SHOC1: variants seen among roughly 807,000 people sequenced by gnomAD.
SHOC1 encodes the protein protein shortage in chiasmata 1 ortholog.
In SHOC1, 136 loss-of-function variants were observed where a neutral mutation model predicts 179.2. The observed-to-expected ratio is 0.76, with a 90% CI of 0.66 to 0.87. The LOEUF (loss-of-function observed/expected upper bound fraction) is 0.87, where lower values mean the gene tolerates loss of function less well. SHOC1 is among the 40% of genes least tolerant of loss of function. The probability of loss-of-function intolerance (pLI) is 0.00; values close to 1 mark genes in which losing one functional copy is unlikely to be tolerated. For missense variants in SHOC1, 1,538 were observed against 1,700.8 expected, an observed-to-expected ratio of 0.90 and a Z score of 1.68; for synonymous variants, 489 against 586.6, an observed-to-expected ratio of 0.83 and a Z score of 2.41.
intron 12 of SHOC1, among the ~76,000 whole-genome samples, chr9:111,731,898 C>A (rs1231692484): frequency 6.6e-6 from 1 of 151,900 alleles, no homozygotes; most frequent in East Asian, 1.9e-4. Flanking sequence ...AAAAGAATTG[C>A]TTGATACAAG....
intron 21 of SHOC1, 75 bp downstream of exon 21, chr9:111,705,166 TATATAC>T (rs1228382532): frequency 5.0e-5 from 20 of 397,378 alleles, no homozygotes; most frequent in Non-Finnish European, 7.9e-5. Flanking sequence ...TATCAGAATA[TATATAC>T]ACACACACAC....
rs1476842136 is a variant in SHOC1, at chr9:111,727,682, A to C, written c.1785T>G (p.Tyr595Ter). The change falls in exon 13 of 28, where the codon TAT becomes TAG. Residue 595 changes from tyrosine to a stop codon, truncating the protein, a stop_gained. Transcript: ENST00000682961. LOFTEE classifies it high-confidence loss of function. ...LSDFIMLRNK[Y>*]KTCTSKTEVT... is the part of the protein sequence containing the mutation. ...CTTCAGTCTTTGAGGTGCAAGTCTT[A>C]TATTTATTTCGCAGCATAATAAAGT... 47 of 1,605,274 alleles carry C rather than the reference A, an allele frequency of 2.9e-5. No individual in the cohort carries two copies. Among genetic ancestry groups the C allele is most frequent in the Non-Finnish European group, 3.6e-5 (42 of 1,177,560 alleles).
intron 16 of SHOC1, 34 bp from the exon 17 acceptor site, chr9:111,714,657 G>A: frequency 6.4e-7 from 1 of 1,561,164 alleles, no homozygotes; most frequent in East Asian, 2.3e-5. Flanking sequence ...AATTGTCTAA[G>A]TATTTGTTTT....
intron 17 of SHOC1, 101 bp from the exon 18 acceptor site, chr9:111,713,273 T>G: frequency 3.4e-6 from 2 of 590,410 alleles, no homozygotes; most frequent in Non-Finnish European, 5.9e-6. Flanking sequence ...TCTATGAAAC[T>G]AATGACAATA....
At chr9:111,762,762 A>G (rs1461864423) in intron 5 of SHOC1, among the ~76,000 whole-genome samples, 3 of 152,194 alleles carry the variant, frequency 2.0e-5, no homozygotes, top group Admixed American at 2.0e-4. Flanking sequence ...TGAAAATGAC[A>G]TACACATGAA....
At chr9:111,720,314 C>CA (rs1564123601) in intron 15 of SHOC1, among the ~76,000 whole-genome samples, 1 of 152,144 alleles carries the variant, frequency 6.6e-6, no homozygotes, top group Non-Finnish European at 1.5e-5. Context: ...TTATTTATGT[C>CA]AAAAAATCTC....
At chr9:111,699,203 T>C (rs1030435469) in intron 24 of SHOC1, among the ~76,000 whole-genome samples, 30 of 152,216 alleles carry the variant, frequency 2.0e-4, no homozygotes, top group Admixed American at 1.1e-3. Flanking sequence ...CTAGAAGAAG[T>C]AGAAGGAGAG....
chr9:111,768,521 T>C (rs1835443331), intron 5 of SHOC1, among the ~76,000 whole-genome samples: 1 of 152,196 alleles, frequency 6.6e-6, no homozygotes, highest in Non-Finnish European at 1.5e-5. Flanking sequence ...GCCCAGCCAT[T>C]ATGTTGATTT....
At chr9:111,770,173 T>A (rs997042967) in intron 5 of SHOC1, among the ~76,000 whole-genome samples, 2 of 152,114 alleles carry the variant, frequency 1.3e-5, no homozygotes, top group African/African-American at 4.8e-5. Flanking sequence ...TAAACTTCCC[T>A]CTTGGTACTG....
rs1292674753 is a variant in SHOC1 at position 111,758,840 on chromosome 9, T to A, written c.451A>T (p.Ile151Phe). 1 of 1,478,888 alleles carries A rather than the reference T, an allele frequency of 6.8e-7. No homozygotes were observed. Among genetic ancestry groups the A allele is most frequent in the Non-Finnish European group, 9.2e-7 (1 of 1,089,828 alleles). 91.6% of individuals were successfully genotyped at this position (1,478,888 alleles called of 1,614,324 possible). A position where few individuals can be genotyped will look rare whatever the true frequency, so the allele number is the denominator to read the frequency against. Residue 151 changes from isoleucine to phenylalanine, a missense_variant, in exon 6 of 28, where the codon ATT becomes TTT. Coordinates refer to ENST00000682961, the MANE Select transcript of SHOC1 (RefSeq NM_001378211.1). Reference protein sequence around the residue: ...ALQNQNQDLFIDDKGILFVSS... With the variant: ...ALQNQNQDLFFDDKGILFVSS... ...ACAAAAAGTATTCCTTTATCATCAA[T>A]AAATAAATCTGAAAAGAAATAAGAA...
At chr9:111,742,549 A>G (rs1834090945) in intron 10 of SHOC1, among the ~76,000 whole-genome samples, 1 of 152,196 alleles carries the variant, frequency 6.6e-6, no homozygotes, top group Admixed American at 6.5e-5. Flanking sequence ...ATCTGTAGCT[A>G]TGATGCTACT....
Position 111,758,735 on chromosome 9 carries a change from C to A in SHOC1, c.556G>T (p.Asp186Tyr). 1 of 1,597,834 alleles carries A rather than the reference C, an allele frequency of 6.3e-7. No individual in the cohort carries two copies. The highest frequency in any genetic ancestry group is 8.5e-7 in the Non-Finnish European group (1 of 1,175,406). ...KLFLVKDPLL[D>Y]FKGQIFTEAN... is the part of the protein sequence containing the mutation. ...TCTGTGAAGATCTGTCCTTTGAAAT[C>A]TAAAAGAGGATCCTTTACCAAAAAC... Residue 186 changes from aspartate to tyrosine, a missense_variant, in exon 6 of 28, where the codon GAT (aspartate) becomes TAT (tyrosine). Physicochemically the swap from Asp to Tyr is radical, Grantham distance 160 (BLOSUM62 -3). Transcript: ENST00000682961.
chr9:111,747,935 A>C (rs1174064781), intron 9 of SHOC1, among the ~76,000 whole-genome samples, 157 bp downstream of exon 9: 2 of 152,168 alleles, frequency 1.3e-5, no homozygotes, highest in Non-Finnish European at 2.9e-5. Context: ...ATAGTAATAA[A>C]TATAAAGGAG....
chr9:111,708,962 T>G (rs2131367709), intron 18 of SHOC1, among the ~76,000 whole-genome samples: 1 of 152,330 alleles, frequency 6.6e-6, no homozygotes, highest in South Asian at 2.1e-4. Context: ...TTCATATAAC[T>G]TTACTTGACA....
chr9:111,708,961 CTT>C (rs1415269863), intron 18 of SHOC1, among the ~76,000 whole-genome samples: 5 of 152,108 alleles, frequency 3.3e-5, no homozygotes, highest in Non-Finnish European at 7.3e-5. Flanking sequence ...TTTCATATAA[CTT>C]TACTTGACAT....
At position 111,686,554 on chromosome 9, in the gene SHOC1, G is replaced by A. The variant is rs563864860; in HGVS notation, c.*216C>T. ...GTCTGGAAGACATTTTGGATCTTAT[G>A]ATAATTATTCTGCTAATTGATAAAT... On this transcript the variant is annotated 3_prime_UTR_variant, in exon 28 of 28. Coordinates refer to ENST00000682961, the MANE Select transcript of SHOC1 (RefSeq NM_001378211.1). The A allele has an allele frequency of 2.5e-6, 1 of 405,954 alleles. No individual in the cohort carries two copies. The highest frequency in any genetic ancestry group is 4.5e-6 in the Non-Finnish European group (1 of 221,410). 25.1% of individuals were successfully genotyped at this position (405,954 alleles called of 1,614,324 possible).
intron 2 of SHOC1, among the ~76,000 whole-genome samples, chr9:111,787,300 A>G (rs138584673): frequency 6.6e-6 from 1 of 152,322 alleles, no homozygotes; most frequent in African/African-American, 2.4e-5. Flanking sequence ...CCTCTGATAG[A>G]TCTAGGCAAA....
At chr9:111,787,633 G>T (rs1198782171) in intron 2 of SHOC1, among the ~76,000 whole-genome samples, 2 of 152,186 alleles carry the variant, frequency 1.3e-5, no homozygotes, top group African/African-American at 4.8e-5. Context: ...GATGGAATCT[G>T]CTCCTGGTGA....
chr9:111,780,734 A>C (rs1454280881), intron 4 of SHOC1, among the ~76,000 whole-genome samples, 196 bp downstream of exon 4: 2 of 152,218 alleles, frequency 1.3e-5, no homozygotes, highest in Non-Finnish European at 2.9e-5. Flanking sequence ...TTGAAAGTTT[A>C]CTAATTAAAA....
Sources: allele counts gnomAD v4.1 joint callset (sites outside exome capture counted in the v4.1 genomes callset), GRCh38; gene constraint gnomAD v4.1.1; transcripts MANE v1.5; gene names NCBI Gene and HGNC (gene_info 2026-07-23, HGNC 2026-07-21).